The following GAS7 variants were observed in gnomAD, a reference collection of about 807,000 sequenced individuals.
GAS7 encodes the protein growth arrest-specific protein 7.
A neutral mutation model predicts 71.1 loss-of-function variants in GAS7; 28 were observed. The observed-to-expected ratio is 0.39, with a 90% CI of 0.29 to 0.54. The LOEUF is 0.54. GAS7 is among the 20% of genes least tolerant of loss of function. The pLI is 0.62. For missense variants in GAS7, 436 were observed against 627.8 expected (o/e 0.69, Z 3.27); for synonymous variants, 258 against 245.8 (o/e 1.05, Z -0.46).
At chr17:10,005,069 G>GACACA (rs2071425432) in intron 2 of GAS7, among the ~76,000 whole-genome samples, 8 of 133,704 alleles carry the variant, frequency 6.0e-5, no homozygotes, top group Admixed American at 3.7e-4. Context: ...ATGTGTGTAT[G>GACACA]CACGCATACA....
chr17:10,033,149 G>A (rs762719497), intron 1 of GAS7, among the ~76,000 whole-genome samples: 9 of 152,124 alleles, frequency 5.9e-5, no homozygotes, highest in Non-Finnish European at 1.2e-4. Context: ...TATCTATAAC[G>A]ATATCACTTG....
intron 4 of GAS7, among the ~76,000 whole-genome samples, chr17:9,960,481 C>T (rs765155741): frequency 3.3e-5 from 5 of 152,204 alleles, no homozygotes; most frequent in African/African-American, 9.7e-5. Context: ...TGAGCCACTG[C>T]GGCCAGTCTG....
At chr17:10,159,146 A>G (rs559210695) in intron 1 of GAS7, among the ~76,000 whole-genome samples, 1 of 147,308 alleles carries the variant, frequency 6.8e-6, no homozygotes, top group Non-Finnish European at 1.5e-5. Context: ...GTTCACCCAA[A>G]TGACTAAAAT....
At chr17:9,941,426 C>T (rs112471245) in intron 7 of GAS7, among the ~76,000 whole-genome samples, 11 of 152,322 alleles carry the variant, frequency 7.2e-5, no homozygotes, top group Non-Finnish European at 1.5e-4. Flanking sequence ...ACCTCCAGGA[C>T]GACAGCGTGC....
At chr17:9,945,594 T>C (rs976254525) in intron 6 of GAS7, among the ~76,000 whole-genome samples, 1 of 151,872 alleles carries the variant, frequency 6.6e-6, no homozygotes, top group South Asian at 2.1e-4. Flanking sequence ...ACAGGGATCT[T>C]TGTATATCTT....
At chr17:9,986,801 C>T (rs2070667446) in intron 2 of GAS7, among the ~76,000 whole-genome samples, 1 of 152,196 alleles carries the variant, frequency 6.6e-6, no homozygotes, top group Admixed American at 6.5e-5. Context: ...AAGGATTCAG[C>T]CCAGTCCATC....
chr17:9,954,058 G>A (rs2069126702), intron 5 of GAS7, among the ~76,000 whole-genome samples: 2 of 152,182 alleles, frequency 1.3e-5, no homozygotes, highest in Non-Finnish European at 2.9e-5. Context: ...CTTAGATTTA[G>A]GTAATAATAG....
chr17:10,039,838 C>T (rs1330917203), intron 1 of GAS7: 3 of 432,988 alleles, frequency 6.9e-6, no homozygotes, highest in South Asian at 3.2e-5. Flanking sequence ...GTGTGGCACC[C>T]TCTGGGGCTC....
intron 1 of GAS7, among the ~76,000 whole-genome samples, chr17:10,182,870 G>A (rs2074426412): frequency 6.6e-6 from 1 of 152,110 alleles, no homozygotes; most frequent in Non-Finnish European, 1.5e-5. Context: ...AGACAAAAAC[G>A]AATGCTTGAG....
At chr17:10,185,174 C>T (rs1018702448) in intron 1 of GAS7, among the ~76,000 whole-genome samples, 6 of 152,158 alleles carry the variant, frequency 3.9e-5, no homozygotes, top group Non-Finnish European at 8.8e-5. Context: ...ATCTACCTTC[C>T]TCGGCCTCCC....
chr17:10,117,429 G>A (rs1032639549), intron 1 of GAS7, among the ~76,000 whole-genome samples: 12 of 152,134 alleles, frequency 7.9e-5, no homozygotes, highest in Non-Finnish European at 1.0e-4. Flanking sequence ...CATCTTCAGG[G>A]GACCATTACT....
intron 1 of GAS7, among the ~76,000 whole-genome samples, chr17:10,117,588 G>T (rs1170282981): frequency 6.6e-6 from 1 of 152,156 alleles, no homozygotes; most frequent in Non-Finnish European, 1.5e-5. Context: ...GGTCAGGACA[G>T]CAATGGGGAC....
chr17:9,974,237 T>A lies in GAS7; in HGVS notation c.386-4475A>T, dbSNP rs541893321. On this transcript the variant is annotated intron_variant, in intron 3 of 13. Transcript: ENST00000432992. The surrounding 1 kb of genome is among the most constrained non-coding windows in gnomAD (Gnocchi z 4.0). ...GTAGCAGCTCTCCTCGGACACCCTGTCTGGCTGCGTTATCACTTGAAGTCT... is the reference window on the plus strand; with the variant it reads ...GTAGCAGCTCTCCTCGGACACCCTGACTGGCTGCGTTATCACTTGAAGTCT... 3.3e-5 allele frequency among the ~76,000 whole-genome samples: 5 copies of A among 152,352 alleles called. No homozygotes were observed. In the South Asian group the frequency reaches 6.2e-4, roughly 19 times the overall value.
intron 1 of GAS7, among the ~76,000 whole-genome samples, chr17:10,097,104 T>G (rs1444646434): frequency 2.0e-5 from 3 of 152,274 alleles, no homozygotes; most frequent in African/African-American, 7.2e-5. Flanking sequence ...TCTCTGGCGC[T>G]GGGCTGCCTT....
chr17:10,070,207 C>T (rs954819644), intron 1 of GAS7, among the ~76,000 whole-genome samples: 2 of 151,894 alleles, frequency 1.3e-5, no homozygotes, highest in Non-Finnish European at 2.9e-5. Context: ...AGGTTTGTTC[C>T]ATCTCCTTCC....
At chr17:10,037,779 G>A (rs764586992) in intron 1 of GAS7, among the ~76,000 whole-genome samples, 9 of 152,108 alleles carry the variant, frequency 5.9e-5, no homozygotes, top group East Asian at 1.9e-4. Context: ...CCTAGTGGAC[G>A]AAGTAAATGC....
At chr17:9,975,944 T>C (rs1393570717) in intron 3 of GAS7, among the ~76,000 whole-genome samples, 1 of 151,804 alleles carries the variant, frequency 6.6e-6, no homozygotes, top group Non-Finnish European at 1.5e-5. Context: ...TCCGGTCTGA[T>C]GACATAGGGC....
At chr17:9,929,711 T>G (rs985094366) in intron 9 of GAS7, among the ~76,000 whole-genome samples, 1 of 152,080 alleles carries the variant, frequency 6.6e-6, no homozygotes, top group Admixed American at 6.5e-5. Flanking sequence ...TCTCCTGACC[T>G]CATGATCCGC....
At chr17:9,984,825 G>A (rs1271699574) in intron 2 of GAS7, among the ~76,000 whole-genome samples, 1 of 152,186 alleles carries the variant, frequency 6.6e-6, no homozygotes, top group South Asian at 2.1e-4. Context: ...AGACAAGCCC[G>A]GTGGAGCTTC....
Sources: gnomAD v4.1 joint callset for allele counts (sites outside exome capture counted in the v4.1 genomes callset) on GRCh38, gnomAD v4.1.1 for gene constraint, Gnocchi (gnomAD v3.1) non-coding constraint, MANE v1.5 for transcripts, NCBI Gene and HGNC (gene_info 2026-07-23, HGNC 2026-07-21) for gene names.